The following POLDIP2 variants were observed in gnomAD, a reference collection of about 807,000 sequenced individuals.
POLDIP2 encodes polymerase delta-interacting protein 2.
Under a neutral mutation model 52.9 loss-of-function variants are expected in POLDIP2, and 32 were observed. The observed-to-expected ratio is 0.61, with a 90% confidence interval of 0.46 to 0.81. The LOEUF (loss-of-function observed/expected upper bound fraction) is 0.81, where lower values mean the gene tolerates loss of function less well. Among genes scored for constraint, POLDIP2 ranks in the 40% least tolerant of loss-of-function variants. The pLI is 0.00. For synonymous variants in POLDIP2, 183 were observed against 183.0 expected (o/e 1.00, Z 0.00); for missense variants, 371 against 477.3 (o/e 0.78, Z 2.07).
At chr17:28,354,378 G>A (rs1907934309) in intron 3 of POLDIP2, 110 bp downstream of exon 3, 2 of 743,994 alleles carry the variant, frequency 2.7e-6, no homozygotes, top group Non-Finnish European at 4.7e-6. Context: ...GTACTCTGGG[G>A]ATGTTTCCAA....
intron 9 of POLDIP2, 115 bp from the exon 10 acceptor site, chr17:28,349,277 C>T: frequency 1.5e-6 from 1 of 674,946 alleles, no homozygotes. Flanking sequence ...TACCCAGCCA[C>T]CACCACAGCA....
At position 28,357,466 on chromosome 17, in the gene POLDIP2, GC is replaced by G. The variant is rs1352190109; in HGVS notation, c.-19del. The G allele has an allele frequency of 2.8e-6, 4 of 1,427,318 alleles. No individual in the cohort carries two copies. The highest frequency in any genetic ancestry group is 3.6e-6 in the Non-Finnish European group (4 of 1,104,076). The allele number at this position is 1,427,318 out of a possible 1,614,324, so 88.4% of individuals were successfully genotyped here. A position where few individuals can be genotyped will look rare whatever the true frequency, so the allele number is the denominator to read the frequency against. ...GCTGCCATGTCCCGCCCGAGCGCCCGCCCGGCTGCTGACACAGAGCCCGACC... is the reference window on the plus strand; with the variant it reads ...GCTGCCATGTCCCGCCCGAGCGCCCGCCGGCTGCTGACACAGAGCCCGACC... On this transcript the variant is annotated 5_prime_UTR_variant, in exon 1 of 11. Coordinates refer to ENST00000540200, the MANE Select transcript of POLDIP2 (RefSeq NM_015584.5).
In POLDIP2 at chr17:28,350,461, G is replaced by A. The variant is rs782740288; in HGVS notation, c.889C>T (p.Arg297Ter). Residue 297 changes from arginine (R) to a stop codon, truncating the protein, a stop_gained, in exon 9 of 11, where the codon CGA becomes TGA. Coordinates refer to ENST00000540200, the MANE Select transcript of POLDIP2 (RefSeq NM_015584.5). LOFTEE classifies it high-confidence loss of function. ...FSLSGTLETV[R>*]GRGVVGREPV... ...ACCCTGCCCACTACCCCTCGGCCTC[G>A]CACTGTCTCCAAGGTGCCAGAGAGA... The A allele has an allele frequency of 4.3e-6, 7 of 1,611,136 alleles. No homozygotes were observed. Among genetic ancestry groups the A allele is most frequent in the East Asian group, 2.2e-5 (1 of 44,822 alleles).
intron 4 of POLDIP2, 141 bp from the exon 5 acceptor site, chr17:28,353,457 G>T: frequency 1.7e-6 from 1 of 573,326 alleles, no homozygotes; most frequent in African/African-American, 2.0e-5. Flanking sequence ...GGGAGGCAGA[G>T]GTTGCAGTGA....
Position 28,347,031 on chromosome 17 carries a change from G to A in POLDIP2, c.*1086C>T, listed in dbSNP as rs1462125433. 6.6e-6 allele frequency: 1 copy of A among 152,224 alleles called. No homozygotes were observed. The highest frequency in any genetic ancestry group is 2.4e-5 in the African/African-American group (1 of 41,460). 9.4% of individuals were successfully genotyped at this position (152,224 alleles called of 1,614,324 possible). ...TCAATGGTACAGAGCCATGTTTACAGTGAGCAGGCCTTGACCAGCTTGCGG... is the reference window on the plus strand; with the variant it reads ...TCAATGGTACAGAGCCATGTTTACAATGAGCAGGCCTTGACCAGCTTGCGG... On this transcript the variant is annotated 3_prime_UTR_variant, in exon 11 of 11. Coordinates refer to ENST00000540200, the MANE Select transcript of POLDIP2 (RefSeq NM_015584.5).
chr17:28,351,327 T>G (rs1051506692), intron 7 of POLDIP2, among the ~76,000 whole-genome samples: 1 of 152,252 alleles, frequency 6.6e-6, no homozygotes, highest in Admixed American at 6.5e-5. Context: ...AGCCAGGCGA[T>G]GTGTAAGTGT....
At chr17:28,353,520 C>CCAAAAAAAAAAAAAAAAAAAAAAAAAA (rs1907896470) in intron 4 of POLDIP2, among the ~76,000 whole-genome samples, 175 bp downstream of exon 4, 2 of 54,812 alleles carry the variant, frequency 3.6e-5, no homozygotes, top group Non-Finnish European at 6.0e-5. Context: ...GACTCCATAT[C>CCAAAAAAAAAAAAAAAAAAAAAAAAAA]AAAAAAAAAA....
At chr17:28,355,033 C>A (rs1173508917) in intron 2 of POLDIP2, among the ~76,000 whole-genome samples, 1 of 152,208 alleles carries the variant, frequency 6.6e-6, no homozygotes, top group Non-Finnish European at 1.5e-5. Flanking sequence ...GGGCCTAAAT[C>A]TATCCCAGTG....
chr17:28,352,322 G>A (rs1215352622), intron 6 of POLDIP2, among the ~76,000 whole-genome samples: 1 of 133,674 alleles, frequency 7.5e-6, no homozygotes, highest in Admixed American at 9.0e-5. Flanking sequence ...ACTACAACCT[G>A]TGCCTCCCGG....
At chr17:28,355,721 C>A in intron 2 of POLDIP2, 74 bp downstream of exon 2, 1 of 1,035,000 alleles carries the variant, frequency 9.7e-7, no homozygotes, top group Non-Finnish European at 1.5e-6. Flanking sequence ...CCATGCAGGC[C>A]TGTGACCTAA....
intron 4 of POLDIP2, 34 bp from the exon 5 acceptor site, chr17:28,353,350 G>A (rs1555580378): frequency 2.4e-6 from 3 of 1,225,546 alleles, no homozygotes; most frequent in Middle Eastern, 3.7e-4. Flanking sequence ...GTGAAACCAT[G>A]TCTCTGCTAA....
At chr17:28,355,774 A>G (rs1264912152) in intron 2 of POLDIP2, 21 bp downstream of exon 2, 4 of 1,589,918 alleles carry the variant, frequency 2.5e-6, no homozygotes, top group Non-Finnish European at 3.4e-6. Context: ...AAAATGAAAG[A>G]TGACCCAGCC....
At position 28,351,818 on chromosome 17, in the gene POLDIP2, T is replaced by C. The variant is rs781899275; in HGVS notation, c.623-18A>G. ...AGGAGGTGCTGGGGCAAGATACAAT[T>C]GGTTAGTCCAATTGTGTGTTGTGGA... On this transcript the variant is annotated intron_variant, in intron 6 of 10. Coordinates refer to ENST00000540200, the MANE Select transcript of POLDIP2 (RefSeq NM_015584.5). 1.8e-5 allele frequency: 29 copies of C among 1,611,016 alleles called. No homozygotes were observed. The East Asian group carries it at 6.0e-4, about 33-fold the overall frequency.
intron 3 of POLDIP2, among the ~76,000 whole-genome samples, chr17:28,354,201 C>CATCAAGAA (rs1471261858): frequency 6.6e-6 from 1 of 152,140 alleles, no homozygotes; most frequent in African/African-American, 2.4e-5. Context: ...TCCAGCTGAA[C>CATCAAGAA]ATCAAGAAAT....
intron 2 of POLDIP2, 60 bp downstream of exon 2, chr17:28,355,735 G>T: frequency 7.6e-7 from 1 of 1,308,892 alleles, no homozygotes; most frequent in Non-Finnish European, 1.1e-6. Flanking sequence ...GACCTAATCT[G>T]ACTTTTTTCA....
At chr17:28,353,063 G>C (rs781969221) in intron 5 of POLDIP2, 44 bp from the exon 6 acceptor site, 4 of 809,178 alleles carry the variant, frequency 4.9e-6, no homozygotes, top group Non-Finnish European at 8.9e-6. Context: ...TCACAGGAGA[G>C]GAGAGAGATG....
rs782197706 is a variant in POLDIP2, at chr17:28,348,105, G to A, written c.*12C>T. 2.6e-6 allele frequency: 4 copies of A among 1,525,558 alleles called. No individual in the cohort carries two copies. In the Admixed American group the frequency reaches 5.0e-5, roughly 19 times the overall value. The allele number at this position is 1,525,558 out of a possible 1,614,324, so 94.5% of individuals were successfully genotyped here. A position where few individuals can be genotyped will look rare whatever the true frequency, so the allele number is the denominator to read the frequency against. On this transcript the variant is annotated 3_prime_UTR_variant, in exon 11 of 11. Coordinates refer to ENST00000540200, the MANE Select transcript of POLDIP2 (RefSeq NM_015584.5). ...CGGTGACCAAGCCTGGGCACTTGGG[G>A]CCTCAGCTGGCCTACCAGTGAAGGC...
Position 28,347,968 on chromosome 17 carries a change from A to G in POLDIP2, c.*149T>C. ...CACATGGGTCTTCTGAAGAAAAGTT[A>G]TACCACCCCTCCCCACAAAAAGAAC... On this transcript the variant is annotated 3_prime_UTR_variant, in exon 11 of 11. Coordinates refer to ENST00000540200, the MANE Select transcript of POLDIP2 (RefSeq NM_015584.5). 1 of 613,970 alleles carries G rather than the reference A, an allele frequency of 1.6e-6. No homozygotes were observed. Among genetic ancestry groups the G allele is most frequent in the Non-Finnish European group, 2.9e-6 (1 of 344,284 alleles). The allele number at this position is 613,970 out of a possible 1,614,324, so 38.0% of individuals were successfully genotyped here. A position where few individuals can be genotyped will look rare whatever the true frequency, so the allele number is the denominator to read the frequency against.
intron 7 of POLDIP2, 108 bp downstream of exon 7, chr17:28,351,556 A>T: frequency 9.2e-7 from 1 of 1,084,994 alleles, no homozygotes; most frequent in Non-Finnish European, 1.3e-6. Context: ...AAGCAGAACC[A>T]CAGGGACATG....
Sources: allele counts gnomAD v4.1 joint callset (sites outside exome capture counted in the v4.1 genomes callset), GRCh38; gene constraint gnomAD v4.1.1; transcripts MANE v1.5; gene names NCBI Gene and HGNC (gene_info 2026-07-23, HGNC 2026-07-21).